Variants in MPRIP observed in about 807,000 individuals in gnomAD.
The protein encoded by MPRIP is myosin phosphatase Rho interacting protein.
A neutral mutation model predicts 234.9 loss-of-function variants in MPRIP; 59 were observed. The ratio of observed to expected loss-of-function variants is 0.25; its 90% CI spans 0.20 to 0.31. MPRIP has a LOEUF of 0.31. Ranked by LOEUF, MPRIP falls within the 10% of genes least tolerant of loss-of-function variation. MPRIP has a pLI of 1.00. For missense variants in MPRIP, 2,436 were observed against 3,071.0 expected (o/e 0.79, Z 4.89); for synonymous variants, 1,144 against 1,263.9 (o/e 0.91, Z 2.01).
intron 4 of MPRIP, among the ~76,000 whole-genome samples, chr17:17,127,826 C>G (rs1246031974): frequency 6.6e-6 from 1 of 152,238 alleles, no homozygotes; most frequent in Non-Finnish European, 1.5e-5. Flanking sequence ...AGCCTCTCAG[C>G]TGCAGCCTGG....
Position 17,165,947 on chromosome 17 carries a change from G to A in MPRIP, c.4356G>A (p.Gln1452=), listed in dbSNP as rs1392991161. ...ALASQLEQER[Q]ERARRVEGHV... is the part of the protein sequence containing the mutation. ...CCTCCCAGCTGGAGCAGGAGAGGCA[G>A]GAGAGGGCCAGGAGGGTTGAAGGGC... Residue 1452 remains glutamine (Q), a synonymous_variant, in exon 16 of 24, where the codon CAG becomes CAA. Transcript: ENST00000651222. The A allele has an allele frequency of 1.5e-6, 2 of 1,304,340 alleles. No individual in the cohort carries two copies. The highest frequency in any genetic ancestry group is 1.5e-5 in the African/African-American group (1 of 66,006). 80.8% of individuals were successfully genotyped at this position (1,304,340 alleles called of 1,614,324 possible).
Position 17,173,959 on chromosome 17 carries a change from G to C in MPRIP, c.6634G>C (p.Glu2212Gln). 1 of 1,613,672 alleles carries C rather than the reference G, an allele frequency of 6.2e-7. No homozygotes were observed. Among genetic ancestry groups the C allele is most frequent in the Non-Finnish European group, 8.5e-7 (1 of 1,180,012 alleles). ...GCAGCGGGAACTGGAGGTCCTCTCG[G>C]AGCAGTACTCGCAGAAGTGCCTGGA... Reference protein sequence around the residue: ...SVQRELEVLSEQYSQKCLENA... With the variant: ...SVQRELEVLSQQYSQKCLENA... The change falls in exon 19 of 24, where the codon GAG (glutamate) becomes CAG (glutamine). Residue 2212 changes from glutamate (E) to glutamine (Q), a missense_variant. Around this residue, in one of 4 missense-constraint regions of MPRIP, gnomAD observed 1,998 missense variants for 2,520.3 expected, o/e 0.79. Coordinates refer to ENST00000651222, the MANE Select transcript of MPRIP (RefSeq NM_001364716.4).
rs936153947 is a variant in MPRIP, at chr17:17,167,125, A to G, written c.5534A>G (p.Gln1845Arg). ...TTGTTGGTTCAGGATGCCATTATTC[A>G]GGCCCAGGTTTGCTATGCGTCCTGC... ...SSLLVQDAII[Q>R]AQVCYASCRI... Residue 1845 changes from glutamine to arginine, a missense_variant, in exon 16 of 24, where the codon CAG becomes CGG. Around this residue, in one of 4 missense-constraint regions of MPRIP, gnomAD observed 1,998 missense variants for 2,520.3 expected, o/e 0.79. Transcript: ENST00000651222. The surrounding 1 kb of genome is among the most constrained non-coding windows in gnomAD (Gnocchi z 5.9). The G allele has an allele frequency of 6.1e-6, 8 of 1,304,206 alleles. No individual in the cohort carries two copies. The highest frequency in any genetic ancestry group is 8.1e-6 in the Non-Finnish European group (8 of 988,950). The allele number at this position is 1,304,206 out of a possible 1,614,324, so 80.8% of individuals were successfully genotyped here. A position where few individuals can be genotyped will look rare whatever the true frequency, so the allele number is the denominator to read the frequency against.
chr17:17,066,266 A>T (rs777660624), intron 1 of MPRIP, among the ~76,000 whole-genome samples: 12 of 152,264 alleles, frequency 7.9e-5, no homozygotes, highest in East Asian at 1.9e-4. Context: ...TGCTAGCTGG[A>T]GGTTATTTAG....
chr17:17,066,053 G>C (rs945123550), intron 1 of MPRIP, among the ~76,000 whole-genome samples: 3 of 151,924 alleles, frequency 2.0e-5, no homozygotes, highest in African/African-American at 7.3e-5. Context: ...GTAGATTCTG[G>C]GATTTTCTAT....
At chr17:17,060,232 G>T (rs552049721) in intron 1 of MPRIP, among the ~76,000 whole-genome samples, 4 of 152,250 alleles carry the variant, frequency 2.6e-5, no homozygotes, top group Admixed American at 2.0e-4. Context: ...GTGCTTTGGG[G>T]CCCCACCGGG....
At chr17:17,115,125 C>A (rs2090258448) in intron 3 of MPRIP, among the ~76,000 whole-genome samples, 1 of 152,226 alleles carries the variant, frequency 6.6e-6, no homozygotes, top group Non-Finnish European at 1.5e-5. Flanking sequence ...TCTTGGAGGC[C>A]CCCTCCTGCT....
intron 8 of MPRIP, 76 bp downstream of exon 8, chr17:17,142,841 C>T (rs11870441): frequency 1.1e-5 from 17 of 1,524,854 alleles, no homozygotes; most frequent in Non-Finnish European, 1.5e-5. Flanking sequence ...CGCCAAGTCC[C>T]CTCCACACAG....
At chr17:17,143,465 C>A in intron 8 of MPRIP, 91 bp from the exon 9 acceptor site, 2 of 771,198 alleles carry the variant, frequency 2.6e-6, no homozygotes, top group African/African-American at 1.8e-5. Flanking sequence ...AAGGCCCTGG[C>A]GGCTCTTGGA....
At chr17:17,057,315 G>T (rs1941279896) in intron 1 of MPRIP, among the ~76,000 whole-genome samples, 1 of 152,252 alleles carries the variant, frequency 6.6e-6, no homozygotes. Context: ...ACGGGGCGGT[G>T]CAGGGGTGGC....
At chr17:17,147,287 A>AC in intron 10 of MPRIP, 32 bp from the exon 11 acceptor site, 1 of 1,606,014 alleles carries the variant, frequency 6.2e-7, no homozygotes, top group Non-Finnish European at 8.5e-7. Flanking sequence ...AGGAGTTGGT[A>AC]GTCGAGTCAT....
chr17:17,109,850 G>T (rs1028682654), intron 3 of MPRIP, among the ~76,000 whole-genome samples: 32 of 152,320 alleles, frequency 2.1e-4, no homozygotes, highest in African/African-American at 7.7e-4. Context: ...ATGCGGATGG[G>T]GGTGTGTCAG....
At chr17:17,126,453 C>G (rs1047862269) in intron 3 of MPRIP, among the ~76,000 whole-genome samples, 2 of 152,184 alleles carry the variant, frequency 1.3e-5, no homozygotes, top group African/African-American at 4.8e-5. Context: ...CCCTGCATAT[C>G]CCCTCCAGTG....
In MPRIP at chr17:17,075,772, A is replaced by C; in HGVS notation, c.186A>C (p.Pro62=). 1 of 1,614,090 alleles carries C rather than the reference A, an allele frequency of 6.2e-7. No individual in the cohort carries two copies. Among genetic ancestry groups the C allele is most frequent in the Non-Finnish European group, 8.5e-7 (1 of 1,179,990 alleles). Residue 62 remains proline, a synonymous_variant, in exon 2 of 24, where the codon CCA becomes CCC. Coordinates refer to ENST00000651222, the MANE Select transcript of MPRIP (RefSeq NM_001364716.4). The stretch of plus-strand genomic sequence containing the variant: ...CAGATGGGACCGACTTTGACAACCC[A>C]GTGCACCGGTCTCGGGTAAGGGCAT... ...LAPDGTDFDN[P]VHRSRKWQRR...
rs760393113 is a variant in MPRIP at position 17,167,082 on chromosome 17, C to T, written c.5491C>T (p.Leu1831Phe). 61 of 1,304,152 alleles carry T rather than the reference C, an allele frequency of 4.7e-5. No homozygotes were observed. The highest frequency in any genetic ancestry group is 6.0e-5 in the Non-Finnish European group (59 of 988,976). The allele number at this position is 1,304,152 out of a possible 1,614,324, so 80.8% of individuals were successfully genotyped here. A position where few individuals can be genotyped will look rare whatever the true frequency, so the allele number is the denominator to read the frequency against. The change falls in exon 16 of 24, where the codon CTC becomes TTC. Residue 1831 changes from leucine to phenylalanine, a missense_variant. By Grantham distance (22) the Leu-to-Phe change is conservative (BLOSUM62 0). Around this residue, in one of 4 missense-constraint regions of MPRIP, gnomAD observed 1,998 missense variants for 2,520.3 expected, o/e 0.79. Coordinates refer to ENST00000651222, the MANE Select transcript of MPRIP (RefSeq NM_001364716.4). This position sits in a 1 kb window ranked among gnomAD's most constrained non-coding sequence, Gnocchi z 5.9. ...SLSYNTCLGG[L>F]GQYSSLLVQD... ...CTCGTATAACACTTGTTTGGGAGGC[C>T]TCGGTCAGTATTCTTCATTGTTGGT...
Position 17,167,188 on chromosome 17 carries a change from G to A in MPRIP, c.5597G>A (p.Cys1866Tyr). 1 of 1,304,128 alleles carries A rather than the reference G, an allele frequency of 7.7e-7. No homozygotes were observed. Among genetic ancestry groups the A allele is most frequent in the Non-Finnish European group, 1.0e-6 (1 of 988,938 alleles). 80.8% of individuals were successfully genotyped at this position (1,304,128 alleles called of 1,614,324 possible). A position where few individuals can be genotyped will look rare whatever the true frequency, so the allele number is the denominator to read the frequency against. ...RLEYEKELQLCKESWQTREPS... is the reference protein window; with the variant it reads ...RLEYEKELQLYKESWQTREPS... Reference sequence around the variant, plus strand: ...GAATATGAGAAGGAGCTCCAGCTCTGCAAGGAGTCCTGGCAAACCCGGGAG... The same window carrying A: ...GAATATGAGAAGGAGCTCCAGCTCTACAAGGAGTCCTGGCAAACCCGGGAG... The change falls in exon 16 of 24, where the codon TGC becomes TAC. Residue 1866 changes from cysteine (C) to tyrosine (Y), a missense_variant. Physicochemically the swap from Cys to Tyr is radical, Grantham distance 194. Coordinates refer to ENST00000651222, the MANE Select transcript of MPRIP (RefSeq NM_001364716.4). The surrounding 1 kb of genome is among the most constrained non-coding windows in gnomAD (Gnocchi z 5.9).
Position 17,078,046 on chromosome 17 carries a change from C to A in MPRIP, c.237C>A (p.His79Gln), listed in dbSNP as rs749508599. The A allele has an allele frequency of 4.3e-6, 7 of 1,614,196 alleles. No individual in the cohort carries two copies. The East Asian group carries it at 6.7e-5, about 15-fold the overall frequency. Residue 79 changes from histidine to glutamine, a missense_variant, in exon 3 of 24, where the codon CAC (histidine) becomes CAA (glutamine). This residue lies in a region of MPRIP where 140 missense variants were observed against 207.3 expected (regional missense o/e 0.68). Transcript: ENST00000651222. The surrounding 1 kb of genome is among the most constrained non-coding windows in gnomAD (Gnocchi z 4.3). ...WQRRFFILYEHGLLRYALDEM... is the reference protein window; with the variant it reads ...WQRRFFILYEQGLLRYALDEM... ...GACGGTTCTTCATCCTTTACGAGCA[C>A]GGCCTCTTGCGCTACGCCCTGGATG...
At chr17:17,085,629 G>T in intron 3 of MPRIP, among the ~76,000 whole-genome samples, 1 of 152,208 alleles carries the variant, frequency 6.6e-6, no homozygotes, top group East Asian at 1.9e-4. Flanking sequence ...AATACACACT[G>T]ACGGCTGGGT....
chr17:17,105,022 C>T (rs533856823), intron 3 of MPRIP, among the ~76,000 whole-genome samples: 2 of 152,238 alleles, frequency 1.3e-5, no homozygotes, highest in African/African-American at 2.4e-5. Context: ...ATCCACTGGG[C>T]GTGTTTGCTG....
Sources: allele counts gnomAD v4.1 joint callset (sites outside exome capture counted in the v4.1 genomes callset), GRCh38; gene constraint gnomAD v4.1.1; regional missense constraint gnomAD v4.1.1; non-coding constraint Gnocchi (gnomAD v3.1); transcripts MANE v1.5; gene names NCBI Gene and HGNC (gene_info 2026-07-23, HGNC 2026-07-21).